Variants in ANKRD24 observed in about 807,000 individuals in gnomAD.
ANKRD24 encodes ankyrin repeat domain-containing protein 24.
ANKRD24 carries 109 observed loss-of-function variants against 127.8 expected under a neutral mutation model. The ratio of observed to expected loss-of-function variants is 0.85; its 90% CI spans 0.73 to 1.00. ANKRD24 has a LOEUF of 1.00. Among genes scored for constraint, ANKRD24 ranks in the 50% least tolerant of loss-of-function variants. The pLI, the probability that ANKRD24 is intolerant of heterozygous loss-of-function variation, is 0.00. For missense variants in ANKRD24, 1,648 were observed against 1,570.2 expected (o/e 1.05, Z -0.84); for synonymous variants, 743 against 671.1 (o/e 1.11, Z -1.66).
intron 5 of ANKRD24, 143 bp from the exon 6 acceptor site, chr19:4,201,883 G>T: frequency 2.8e-6 from 2 of 704,304 alleles, no homozygotes; most frequent in South Asian, 1.7e-5. Context: ...GATCCTTTCT[G>T]CAGGGAAAAA....
In ANKRD24 at chr19:4,224,148, A is replaced by C. The variant is rs1389933084; in HGVS notation, c.3319A>C (p.Ser1107Arg). The C allele has an allele frequency of 6.2e-7, 1 of 1,612,772 alleles. No individual in the cohort carries two copies. The highest frequency in any genetic ancestry group is 2.2e-5 in the East Asian group (1 of 44,872). The change falls in exon 21 of 22, where the codon AGC (serine) becomes CGC (arginine). Residue 1107 changes from serine (S) to arginine (R), a missense_variant. Physicochemically the swap from Ser to Arg is moderately radical, Grantham distance 110. Transcript: ENST00000318934. ...ACAGGAAGCTGCCAGGGACCACTCC[A>C]GCGTGGTGGCTTTGTACAGAAGCCA... ...QLQEAARDHS[S>R]VVALYRSHLL...
intron 1 of ANKRD24, 186 bp from the exon 2 acceptor site, chr19:4,186,202 CAG>C (rs1292596036): frequency 2.2e-6 from 3 of 1,340,312 alleles, no homozygotes; most frequent in Non-Finnish European, 2.0e-6. Flanking sequence ...GGAAGTAAAA[CAG>C]AGAGGGCAAG....
rs61742314 is a variant in ANKRD24 at position 4,207,872 on chromosome 19, C to T, written c.736C>T (p.Leu246=). The T allele has an allele frequency of 1.3e-6, 2 of 1,560,752 alleles. No individual in the cohort carries two copies. Among genetic ancestry groups the T allele is most frequent in the South Asian group, 2.4e-5 (2 of 83,770 alleles). The change falls in exon 10 of 22, where the codon CTG becomes TTG. Residue 246 remains leucine (L), a synonymous_variant. Coordinates refer to ENST00000318934, the MANE Select transcript of ANKRD24 (RefSeq NM_001393985.1). ...GGAQPGITDA[L]GQDAAHYGAL... ...AGCCCAGCCGGGCATCACCGATGCG[C>T]TGGGGCAGGACGCGGCTCACTATGG...
At chr19:4,197,692 G>A (rs548766763) in intron 2 of ANKRD24, among the ~76,000 whole-genome samples, 7 of 151,986 alleles carry the variant, frequency 4.6e-5, no homozygotes, top group South Asian at 4.2e-4. Flanking sequence ...CCCGTGAATG[G>A]GTGAACAAAT....
intron 18 of ANKRD24, among the ~76,000 whole-genome samples, chr19:4,218,440 C>G (rs139395508): frequency 0.013 from 1,945 of 152,052 alleles, 47 homozygotes; most frequent in African/African-American, 0.045. Flanking sequence ...GCTGGAATTA[C>G]AGGCACCTGC....
chr19:4,223,397 A>ATTTTTTTTTTT (rs1446284593), intron 20 of ANKRD24, among the ~76,000 whole-genome samples: 2 of 54,830 alleles, frequency 3.6e-5, no homozygotes, highest in African/African-American at 1.6e-4. Flanking sequence ...ATATATATAT[A>ATTTTTTTTTTT]TATATTTTTT....
chr19:4,220,174 C>T (rs910989727), intron 19 of ANKRD24, among the ~76,000 whole-genome samples: 7 of 152,078 alleles, frequency 4.6e-5, no homozygotes, highest in Admixed American at 6.5e-5. Context: ...GGTTTCGTCA[C>T]GTTGGCCAGG....
chr19:4,216,899 A>G lies in ANKRD24; in HGVS notation c.1739A>G (p.Glu580Gly). 6.2e-7 allele frequency: 1 copy of G among 1,610,222 alleles called. No individual in the cohort carries two copies. Among genetic ancestry groups the G allele is most frequent in the Non-Finnish European group, 8.5e-7 (1 of 1,178,262 alleles). ...ETMEARTMEA[E>G]ATGAEATGAE... ...ATGGAAGCCAGGACTATGGAAGCTG[A>G]GGCCACGGGAGCCGAGGCCACGGGA... The change falls in exon 18 of 22, where the codon GAG (glutamate) becomes GGG (glycine). Residue 580 changes from glutamate to glycine, a missense_variant. Transcript: ENST00000318934.
intron 15 of ANKRD24, among the ~76,000 whole-genome samples, chr19:4,213,306 T>TTCCC (rs143290858): frequency 0.033 from 4,856 of 146,512 alleles, 251 homozygotes; most frequent in African/African-American, 0.1. Flanking sequence ...CTTTCCTTCC[T>TTCCC]TCCCTCCCTC....
intron 2 of ANKRD24, among the ~76,000 whole-genome samples, chr19:4,194,078 C>T (rs1968559313): frequency 6.6e-6 from 1 of 152,118 alleles, no homozygotes; most frequent in Admixed American, 6.6e-5. Flanking sequence ...TCATATCCTG[C>T]ATGTGGCATC....
intron 15 of ANKRD24, among the ~76,000 whole-genome samples, chr19:4,213,642 G>A (rs1969897563): frequency 6.6e-6 from 1 of 151,500 alleles, no homozygotes; most frequent in Non-Finnish European, 1.5e-5. Context: ...TTTTTGGGGA[G>A]TGGGGAGGAT....
Position 4,219,581 on chromosome 19 carries a change from T to C in ANKRD24, c.3004-10T>C. ...GTGTCCTGAGAGTCATGCGTGGGCTTGGGCCACAGGTGCAGCGTGAGGCCC... is the reference window on the plus strand; with the variant it reads ...GTGTCCTGAGAGTCATGCGTGGGCTCGGGCCACAGGTGCAGCGTGAGGCCC... On this transcript the variant is annotated splice_polypyrimidine_tract_variant and intron_variant, in intron 18 of 21. Transcript: ENST00000318934. 6.3e-7 allele frequency: 1 copy of C among 1,598,722 alleles called. No homozygotes were observed. Among genetic ancestry groups the C allele is most frequent in the Non-Finnish European group, 8.6e-7 (1 of 1,168,978 alleles).
At position 4,202,073 on chromosome 19, in the gene ANKRD24, T is replaced by C; in HGVS notation, c.391T>C (p.Leu131=). The C allele has an allele frequency of 3.1e-6, 5 of 1,613,870 alleles. No individual in the cohort carries two copies. Among genetic ancestry groups the C allele is most frequent in the Non-Finnish European group, 4.2e-6 (5 of 1,179,834 alleles). ...CGCCAAATACGGGCACCCACAGTGC[T>C]TGAAGCAACTACTGCAGGTCATTTA... ...LAAKYGHPQC[L]KQLLQASCVV... is the part of the protein sequence containing the mutation. Residue 131 remains leucine, a synonymous_variant, in exon 6 of 22, where the codon TTG becomes CTG. Coordinates refer to ENST00000318934, the MANE Select transcript of ANKRD24 (RefSeq NM_001393985.1).
intron 15 of ANKRD24, among the ~76,000 whole-genome samples, chr19:4,214,398 C>A (rs57489985): frequency 0.04 from 6,032 of 152,126 alleles, 316 homozygotes; most frequent in African/African-American, 0.12. Context: ...AACTCCTGGC[C>A]TCAAGTAATC....
chr19:4,209,136 A>G, intron 11 of ANKRD24: 1 of 233,564 alleles, frequency 4.3e-6, no homozygotes, highest in Non-Finnish European at 8.4e-6. Context: ...CCCGAGGTGG[A>G]GTCTCACTCT....
Position 4,186,458 on chromosome 19 carries a change from A to G in ANKRD24, c.33A>G (p.Thr11=). The G allele has an allele frequency of 3.8e-6, 6 of 1,593,354 alleles. No homozygotes were observed. The highest frequency in any genetic ancestry group is 5.1e-6 in the Non-Finnish European group (6 of 1,169,954). Reference sequence around the variant, plus strand: ...CTCTCAGGGCGCGATTTAAGAAGACAGAGGTGAGTGTGAGGCCCTAGATGC... The same window carrying G: ...CTCTCAGGGCGCGATTTAAGAAGACGGAGGTGAGTGTGAGGCCCTAGATGC... MKTLRARFKK[T]ELRLSPTDLG... The change falls in exon 2 of 22, where the codon ACA becomes ACG. Residue 11 remains threonine, a synonymous_variant. Coordinates refer to ENST00000318934, the MANE Select transcript of ANKRD24 (RefSeq NM_001393985.1).
rs1177823872 is a variant in ANKRD24 at position 4,219,669 on chromosome 19, C to T, written c.3082C>T (p.Arg1028Trp). 7 of 1,613,688 alleles carry T rather than the reference C, an allele frequency of 4.3e-6. No homozygotes were observed. Among genetic ancestry groups the T allele is most frequent in the African/African-American group, 2.7e-5 (2 of 74,918 alleles). ...AQLATAEQQL[R>W]GLRTEAERAR... The stretch of plus-strand genomic sequence containing the variant: ...GCTGGCCACAGCAGAGCAGCAGCTA[C>T]GGGGGCTACGGACCGAGGCGGAAAG... Residue 1028 changes from arginine to tryptophan, a missense_variant, in exon 19 of 22, where the codon CGG (arginine) becomes TGG (tryptophan). By Grantham distance (101) the Arg-to-Trp change is moderately radical. Transcript: ENST00000318934.
intron 15 of ANKRD24, 147 bp from the exon 16 acceptor site, chr19:4,215,831 C>T (rs1430987129): frequency 3.1e-6 from 2 of 643,394 alleles, no homozygotes; most frequent in African/African-American, 3.7e-5. Context: ...AAGGTGCTCA[C>T]TAAATCCTTG....
At chr19:4,202,835 T>C in intron 6 of ANKRD24, 34 bp from the exon 7 acceptor site, 1 of 1,564,142 alleles carries the variant, frequency 6.4e-7, no homozygotes, top group Non-Finnish European at 8.7e-7. Flanking sequence ...GCAAGAAGGA[T>C]GGCTCCGCCT....
Sources: allele counts gnomAD v4.1 joint callset (sites outside exome capture counted in the v4.1 genomes callset), GRCh38; gene constraint gnomAD v4.1.1; transcripts MANE v1.5; gene names NCBI Gene and HGNC (gene_info 2026-07-23, HGNC 2026-07-21).